FBP2: variants seen among roughly 807,000 people sequenced by gnomAD.
The protein encoded by FBP2 is fructose-1,6-bisphosphatase isozyme 2.
Under a neutral mutation model 31.6 loss-of-function variants are expected in FBP2, and 27 were observed. That is an observed-to-expected ratio of 0.85 (90% confidence interval 0.63 to 1.18). FBP2 has a LOEUF of 1.18. Ranked by LOEUF, FBP2 falls within the 50% of genes most tolerant of loss-of-function variation. The probability of loss-of-function intolerance (pLI) is 0.00; values close to 1 mark genes in which losing one functional copy is unlikely to be tolerated. For synonymous variants in FBP2, 168 were observed against 179.8 expected, an observed-to-expected ratio of 0.93 and a Z score of 0.53; for missense variants, 421 against 436.1, an observed-to-expected ratio of 0.97 and a Z score of 0.31.
chr9:94,568,722 TAAC>T (rs940398745), intron 4 of FBP2: 1 of 152,096 alleles, frequency 6.6e-6, no homozygotes, highest in African/African-American at 2.4e-5. Context: ...GGAGACTCAA[TAAC>T]AAAAACAACT....
chr9:94,571,955 TCTCA>T (rs1299627711), intron 3 of FBP2, among the ~76,000 whole-genome samples: 10 of 152,134 alleles, frequency 6.6e-5, no homozygotes, highest in South Asian at 2.1e-4. Context: ...GCGTGCAGTG[TCTCA>T]CTCTGCACAC....
At chr9:94,573,513 C>T (rs1827289221) in intron 3 of FBP2, among the ~76,000 whole-genome samples, 1 of 114,450 alleles carries the variant, frequency 8.7e-6, no homozygotes, top group South Asian at 3.0e-4. Flanking sequence ...CCTACCTCAG[C>T]AAGTTTCTTT....
chr9:94,579,803 A>T (rs1043163085), intron 3 of FBP2, among the ~76,000 whole-genome samples: 1 of 152,202 alleles, frequency 6.6e-6, no homozygotes, highest in African/African-American at 2.4e-5. Context: ...TCTCTCATTC[A>T]GCTTTTTCCT....
intron 6 of FBP2, among the ~76,000 whole-genome samples, chr9:94,561,761 CACAG>C (rs900519633): frequency 5.9e-5 from 9 of 152,158 alleles, no homozygotes; most frequent in Non-Finnish European, 1.3e-4. Context: ...GACACACACA[CACAG>C]AGAGACGTCG....
rs200733221 is a variant in FBP2, at chr9:94,563,310, G to A, written c.825+32C>T. 772 of 1,609,524 alleles carry A rather than the reference G, an allele frequency of 4.8e-4. 4 individuals are homozygous for A. The Middle Eastern group carries it at 8.5e-3, about 18-fold the overall frequency. ...AGGGAGCTCCCCCACCTCCCTGACC[G>A]GATGCACAGCCAGTGGACAAGGGAG... On this transcript the variant is annotated intron_variant, in intron 6 of 6. Transcript: ENST00000375337.
chr9:94,571,805 ACTT>A (rs533832228), intron 3 of FBP2, among the ~76,000 whole-genome samples: 220 of 152,284 alleles, frequency 1.4e-3, no homozygotes, highest in Non-Finnish European at 2.1e-3. Flanking sequence ...CCATTCTTGG[ACTT>A]CTTCCTTCCT....
chr9:94,567,526 T>A, intron 4 of FBP2, 119 bp from the exon 5 acceptor site: 1 of 1,245,968 alleles, frequency 8.0e-7, no homozygotes, highest in Non-Finnish European at 1.1e-6. Context: ...GGGGCTTGGC[T>A]GTGGTCACTC....
chr9:94,563,076 G>A (rs923233194), intron 6 of FBP2, among the ~76,000 whole-genome samples: 1 of 152,244 alleles, frequency 6.6e-6, no homozygotes, highest in African/African-American at 2.4e-5. Flanking sequence ...CACACAGCTG[G>A]TTCATGGTGA....
At chr9:94,590,701 C>G (rs938379308) in intron 1 of FBP2, among the ~76,000 whole-genome samples, 3 of 152,312 alleles carry the variant, frequency 2.0e-5, no homozygotes, top group Non-Finnish European at 1.5e-5. Context: ...AAGAACAAAG[C>G]CTCCACAGTG....
At chr9:94,564,912 T>A (rs543189276) in intron 5 of FBP2, among the ~76,000 whole-genome samples, 1 of 152,270 alleles carries the variant, frequency 6.6e-6, no homozygotes, top group African/African-American at 2.4e-5. Context: ...ATATGACATA[T>A]TTTCAAAAAG....
chr9:94,593,675 C>T lies in FBP2; in HGVS notation c.52G>A (p.Val18Ile), dbSNP rs771054913. ...ETDMLTLTRY[V>I]MEKGRQAKGT... is the part of the protein sequence containing the mutation. ...TTGGCCTGACGCCCCTTTTCCATAA[C>T]GTAGCGGGTCAGGGTGAGCATGTCG... Residue 18 changes from valine to isoleucine, a missense_variant, in exon 1 of 7, where the codon GTT becomes ATT. Transcript: ENST00000375337. 12 of 1,614,096 alleles carry T rather than the reference C, an allele frequency of 7.4e-6. No homozygotes were observed. Among genetic ancestry groups the T allele is most frequent in the African/African-American group, 2.7e-5 (2 of 74,936 alleles).
At chr9:94,582,739 A>G (rs958053581) in intron 3 of FBP2, among the ~76,000 whole-genome samples, 16 of 151,610 alleles carry the variant, frequency 1.1e-4, no homozygotes, top group East Asian at 5.8e-4. Context: ...TAGTAGAGGC[A>G]GGGTTTCACC....
At chr9:94,565,938 T>C (rs543936669) in intron 5 of FBP2, among the ~76,000 whole-genome samples, 15 of 152,200 alleles carry the variant, frequency 9.9e-5, no homozygotes, top group Admixed American at 3.9e-4. Context: ...TTTTACAACA[T>C]TGGGGAGAAA....
intron 3 of FBP2, among the ~76,000 whole-genome samples, chr9:94,578,544 A>AT (rs942606813): frequency 1.5e-4 from 23 of 152,080 alleles, no homozygotes; most frequent in Non-Finnish European, 2.6e-4. Flanking sequence ...TTTACTTCTA[A>AT]TTTTTTAAAA....
At chr9:94,587,598 G>A (rs575379811) in intron 1 of FBP2, 129 bp from the exon 2 acceptor site, 6 of 806,366 alleles carry the variant, frequency 7.4e-6, no homozygotes, top group East Asian at 5.0e-5. Flanking sequence ...CAAGTCACAC[G>A]TGCAGAAGAA....
At chr9:94,575,382 T>C (rs1325235360) in intron 3 of FBP2, among the ~76,000 whole-genome samples, 1 of 152,224 alleles carries the variant, frequency 6.6e-6, no homozygotes, top group South Asian at 2.1e-4. Context: ...GAAATGACAC[T>C]GCATATGTTC....
chr9:94,567,046 GA>G (rs1374889617), intron 5 of FBP2, among the ~76,000 whole-genome samples: 1 of 152,090 alleles, frequency 6.6e-6, no homozygotes, highest in African/African-American at 2.4e-5. Flanking sequence ...ATTTATCCTG[GA>G]AAAACTCAAA....
rs964585725 is a variant in FBP2, at chr9:94,584,726, C to T, written c.334-57G>A. 70 of 1,083,038 alleles carry T rather than the reference C, an allele frequency of 6.5e-5. No homozygotes were observed. The African/African-American group carries it at 9.9e-4, about 15-fold the overall frequency. 67.1% of individuals were successfully genotyped at this position (1,083,038 alleles called of 1,614,324 possible). ...GCACATCTTCCCATTAGCACAATTG[C>T]TCTGTGTCAGGGCTGTGCGTGGCAG... On this transcript the variant is annotated intron_variant, in intron 2 of 6. Transcript: ENST00000375337.
chr9:94,563,617 A>G (rs376049626), intron 5 of FBP2, among the ~76,000 whole-genome samples, 156 bp from the exon 6 acceptor site: 1 of 152,194 alleles, frequency 6.6e-6, no homozygotes, highest in African/African-American at 2.4e-5. Context: ...ATAATTGTGC[A>G]TTTCATTTAT....
Sources: gnomAD v4.1 joint callset for allele counts (sites outside exome capture counted in the v4.1 genomes callset) on GRCh38, gnomAD v4.1.1 for gene constraint, MANE v1.5 for transcripts, NCBI Gene and HGNC (gene_info 2026-07-23, HGNC 2026-07-21) for gene names.